PDC: variants seen among roughly 807,000 people sequenced by gnomAD.
PDC encodes 33 kDa phototransducing protein.
Under a neutral mutation model 22.2 loss-of-function variants are expected in PDC, and 19 were observed. The ratio of observed to expected loss-of-function variants is 0.86; its 90% CI spans 0.60 to 1.26. The LOEUF (loss-of-function observed/expected upper bound fraction) is 1.26. Ranked by LOEUF, PDC falls within the 50% of genes most tolerant of loss-of-function variation. The pLI is 0.00. For synonymous variants in PDC, 97 were observed against 96.2 expected (o/e 1.01, Z -0.05); for missense variants, 274 against 286.8 (o/e 0.96, Z 0.32).
intron 1 of PDC, among the ~76,000 whole-genome samples, chr1:186,451,475 T>G (rs1044016086): frequency 6.6e-6 from 1 of 152,164 alleles, no homozygotes; most frequent in African/African-American, 2.4e-5. Context: ...AAATGGAAAT[T>G]TATTTGATAA....
intron 1 of PDC, among the ~76,000 whole-genome samples, chr1:186,459,881 G>T (rs761209123): frequency 2.1e-5 from 3 of 146,286 alleles, no homozygotes; most frequent in Non-Finnish European, 3.0e-5. Context: ...AAACTGTAAG[G>T]TTTATTAGTA....
intron 1 of PDC, 128 bp from the exon 2 acceptor site, chr1:186,449,611 A>T: frequency 2.1e-6 from 1 of 475,428 alleles, no homozygotes. Context: ...AAGTAGGCTA[A>T]GGATAATCAC....
At chr1:186,449,552 A>T in intron 1 of PDC, 69 bp from the exon 2 acceptor site, 2 of 748,118 alleles carry the variant, frequency 2.7e-6, no homozygotes, top group Non-Finnish European at 4.6e-6. Context: ...ATATAGAGAT[A>T]AATATATAGG....
In PDC at chr1:186,444,273, A is replaced by C. The variant is rs1156716665; in HGVS notation, c.447T>G (p.Asp149Glu). The change falls in exon 4 of 4, where the codon GAT becomes GAG. Residue 149 changes from aspartate (D) to glutamate (E), a missense_variant. By Grantham distance (45) the Asp-to-Glu change is conservative. Coordinates refer to ENST00000391997, the MANE Select transcript of PDC (RefSeq NM_002597.5). ...HIYEDGIKGC[D>E]ALNSSLTCLA... ...GGCATGTTAAACTACTGTTTAGAGC[A>C]TCACAACCCTTAATACCATCTTCAT... 1.2e-6 allele frequency: 2 copies of C among 1,614,028 alleles called. No homozygotes were observed. The highest frequency in any genetic ancestry group is 1.7e-6 in the Non-Finnish European group (2 of 1,179,904).
At chr1:186,454,798 A>G (rs919433003) in intron 1 of PDC, among the ~76,000 whole-genome samples, 1 of 152,268 alleles carries the variant, frequency 6.6e-6, no homozygotes, top group African/African-American at 2.4e-5. Context: ...CAATAAAAAA[A>G]TTAATCCTAT....
intron 1 of PDC, chr1:186,451,143 T>A (rs1436041410): frequency 6.6e-6 from 1 of 152,224 alleles, no homozygotes; most frequent in Non-Finnish European, 1.5e-5. Context: ...GGACTGGTCC[T>A]GTAATTTTGT....
intron 2 of PDC, among the ~76,000 whole-genome samples, chr1:186,449,069 A>G (rs1307578635): frequency 1.3e-5 from 2 of 152,094 alleles, no homozygotes; most frequent in Admixed American, 6.5e-5. Context: ...CTTGTTTACA[A>G]TGAAAGTTCA....
chr1:186,452,716 G>A (rs765462955), intron 1 of PDC, among the ~76,000 whole-genome samples: 8 of 152,116 alleles, frequency 5.3e-5, no homozygotes, highest in Non-Finnish European at 1.0e-4. Context: ...ATGGTTAAAA[G>A]ATTTCATGTC....
Position 186,444,159 on chromosome 1 carries a change from A to G in PDC, c.561T>C (p.Pro187=). ...AGDRFSLDVL[P]TLLIYKGGEL... is the part of the protein sequence containing the mutation. ...CCCCACCTTTATAGATGAGCAGTGT[A>G]GGAAGTACATCTAAGGAAAAGCGGT... is the stretch of plus-strand genomic sequence containing the variant. Residue 187 remains proline, a synonymous_variant, in exon 4 of 4, where the codon CCT becomes CCC. Coordinates refer to ENST00000391997, the MANE Select transcript of PDC (RefSeq NM_002597.5). 1.2e-6 allele frequency: 2 copies of G among 1,613,916 alleles called. No individual in the cohort carries two copies. Among genetic ancestry groups the G allele is most frequent in the Non-Finnish European group, 1.7e-6 (2 of 1,179,788 alleles).
chr1:186,451,524 A>G (rs1662353625), intron 1 of PDC: 2 of 152,162 alleles, frequency 1.3e-5, no homozygotes, highest in South Asian at 4.1e-4. Context: ...ATAGAGACTC[A>G]ATCCAGTCTC....
At chr1:186,446,263 T>C (rs887944539) in intron 3 of PDC, among the ~76,000 whole-genome samples, 163 bp downstream of exon 3, 3 of 152,228 alleles carry the variant, frequency 2.0e-5, no homozygotes, top group Non-Finnish European at 4.4e-5. Flanking sequence ...GTTCTTAGTA[T>C]AGAATGCCAC....
chr1:186,450,388 G>A lies in PDC; in HGVS notation c.-24-905C>T, dbSNP rs114920343. ...CTCTGTCTCCCAGGCTTCATTAAGT[G>A]CGATGGTGCTGTTTTATTTAGCTCA... is the stretch of plus-strand genomic sequence containing the variant. On this transcript the variant is annotated intron_variant, in intron 1 of 3. Coordinates refer to ENST00000391997, the MANE Select transcript of PDC (RefSeq NM_002597.5). 3.8e-3 allele frequency among the ~76,000 whole-genome samples: 574 copies of A among 152,006 alleles called. 4 individuals carry two copies. Among genetic ancestry groups the A allele is most frequent in the African/African-American group, 0.013 (542 of 41,442 alleles).
intron 1 of PDC, among the ~76,000 whole-genome samples, chr1:186,459,499 C>T (rs1246102505): frequency 2.6e-5 from 4 of 152,088 alleles, no homozygotes; most frequent in Admixed American, 2.6e-4. Flanking sequence ...TCATAACAGC[C>T]ATCTTTTTTA....
chr1:186,446,496 T>G lies in PDC; in HGVS notation c.143A>C (p.Glu48Ala), dbSNP rs1558123843. 1 of 1,606,174 alleles carries G rather than the reference T, an allele frequency of 6.2e-7. No homozygotes were observed. Among genetic ancestry groups the G allele is most frequent in the African/African-American group, 1.3e-5 (1 of 74,806 alleles). ...AGGAGAAGACATTTGCCTGAGAATC[T>G]CCTTCTTGCTAGGTGGAATTGAATC... Reference protein sequence around the residue: ...DSDSIPPSKKEILRQMSSPQS... With the variant: ...DSDSIPPSKKAILRQMSSPQS... The change falls in exon 3 of 4, where the codon GAG becomes GCG. Residue 48 changes from glutamate to alanine, a missense_variant. Transcript: ENST00000391997.
intron 1 of PDC, among the ~76,000 whole-genome samples, chr1:186,456,448 C>T (rs559305612): frequency 2.0e-5 from 3 of 152,166 alleles, no homozygotes; most frequent in South Asian, 4.1e-4. Context: ...GAAAGGCTTT[C>T]GCAGTCTTAT....
intron 1 of PDC, among the ~76,000 whole-genome samples, chr1:186,457,531 T>G (rs948237102): frequency 6.6e-6 from 1 of 152,208 alleles, no homozygotes; most frequent in African/African-American, 2.4e-5. Flanking sequence ...TTCTGTTTGA[T>G]TTTCCCTTTT....
chr1:186,458,226 C>CTTTTTTTTTTTTTTTTTTTTTTTTTTT (rs1157926478), intron 1 of PDC, among the ~76,000 whole-genome samples: 1 of 88,416 alleles, frequency 1.1e-5, no homozygotes, highest in Non-Finnish European at 2.1e-5. Context: ...TACAGATATT[C>CTTTTTTTTTTTTTTTTTTTTTTTTTTT]TTTTTTTTTT....
chr1:186,455,971 C>CAAAAAAA lies in PDC; in HGVS notation c.-25+5081_-25+5087dup, dbSNP rs1213649798. ...TGGGCAACAGAGCGCGACTCCGTCT[C>CAAAAAAA]AAAAAAAAAAAAAAAAAAAAAAAAT... On this transcript the variant is annotated intron_variant, in intron 1 of 3. Transcript: ENST00000391997. Among the ~76,000 whole-genome samples, 22 of 8,650 alleles carry CAAAAAAA rather than the reference C, an allele frequency of 2.5e-3. 2 individuals are homozygous for CAAAAAAA. Among genetic ancestry groups the CAAAAAAA allele is most frequent in the South Asian group, 8.5e-3 (1 of 118 alleles). The allele number at this position is 8,650 out of a possible 152,430, so 5.7% of individuals were successfully genotyped here.
intron 1 of PDC, among the ~76,000 whole-genome samples, chr1:186,456,849 T>G (rs746746242): frequency 1.3e-4 from 20 of 152,146 alleles, no homozygotes; most frequent in Non-Finnish European, 2.8e-4. Flanking sequence ...TGAAGTGAAA[T>G]TTAGTAAGTT....
Sources: gnomAD v4.1 joint callset for allele counts (sites outside exome capture counted in the v4.1 genomes callset) on GRCh38, gnomAD v4.1.1 for gene constraint, MANE v1.5 for transcripts, NCBI Gene and HGNC (gene_info 2026-07-23, HGNC 2026-07-21) for gene names.